DRAM1: variants seen among roughly 807,000 people sequenced by gnomAD.
DRAM1 encodes the protein DNA damage regulated autophagy modulator 1, also known as DNA damage-regulated autophagy modulator protein 1.
A neutral mutation model predicts 28.5 loss-of-function variants in DRAM1; 25 were observed. The ratio of observed to expected loss-of-function variants is 0.88; its 90% CI spans 0.64 to 1.23. DRAM1 has a LOEUF of 1.23. Ranked by LOEUF, DRAM1 falls within the 50% of genes most tolerant of loss-of-function variation. The pLI, the probability that DRAM1 is intolerant of heterozygous loss-of-function variation, is 0.00. For missense variants in DRAM1, 249 were observed against 299.2 expected (o/e 0.83, Z 1.24); for synonymous variants, 113 against 114.2 (o/e 0.99, Z 0.07).
rs1874540995 is a variant in DRAM1 at position 101,922,984 on chromosome 12, G to A, written c.*1724G>A. On this transcript the variant is annotated 3_prime_UTR_variant, in exon 7 of 7. Transcript: ENST00000258534. ...GTGCGGTGGTGTGCCTGTAGTCCTA[G>A]TTACTTGGGAGGCTGAGGTGGGAGA... 3 of 152,076 alleles carry A rather than the reference G, an allele frequency of 2.0e-5. No homozygotes were observed. The South Asian group carries it at 6.2e-4, about 32-fold the overall frequency. The allele number at this position is 152,076 out of a possible 1,614,324, so 9.4% of individuals were successfully genotyped here. A position where few individuals can be genotyped will look rare whatever the true frequency, so the allele number is the denominator to read the frequency against.
At chr12:101,914,316 C>T in intron 5 of DRAM1, 84 bp downstream of exon 5, 1 of 1,022,990 alleles carries the variant, frequency 9.8e-7, no homozygotes. Flanking sequence ...AAGATCACTG[C>T]CGTTCCTTAG....
intron 1 of DRAM1, among the ~76,000 whole-genome samples, chr12:101,884,584 A>T (rs935881810): frequency 1.3e-5 from 2 of 152,022 alleles, no homozygotes; most frequent in Admixed American, 1.3e-4. Context: ...CCGATTCTAG[A>T]TCCTGGCTTT....
At chr12:101,919,344 T>C (rs1365748054) in intron 5 of DRAM1, among the ~76,000 whole-genome samples, 1 of 151,584 alleles carries the variant, frequency 6.6e-6, no homozygotes, top group Non-Finnish European at 1.5e-5. Flanking sequence ...GCAACACTAG[T>C]GTATTATTTT....
intron 3 of DRAM1, among the ~76,000 whole-genome samples, chr12:101,905,756 A>ATTTT (rs1193909336): frequency 3.3e-5 from 4 of 122,700 alleles, no homozygotes; most frequent in African/African-American, 1.1e-4. Context: ...TGCCCATCTG[A>ATTTT]TTTTATTTAT....
intron 2 of DRAM1, among the ~76,000 whole-genome samples, chr12:101,899,253 C>CT (rs1873502413): frequency 6.6e-6 from 1 of 152,178 alleles, no homozygotes. Flanking sequence ...CCAGTGCCCT[C>CT]TTACACCATC....
intron 1 of DRAM1, among the ~76,000 whole-genome samples, chr12:101,889,175 A>G (rs1873002377): frequency 6.6e-6 from 1 of 152,166 alleles, no homozygotes; most frequent in Admixed American, 6.5e-5. Context: ...CATCAAGAAC[A>G]TGCATTGAAG....
chr12:101,901,121 G>C (rs992502306), intron 2 of DRAM1, among the ~76,000 whole-genome samples, 170 bp from the exon 3 acceptor site: 1 of 136,888 alleles, frequency 7.3e-6, no homozygotes, highest in African/African-American at 2.9e-5. Flanking sequence ...GTGTGTGTGT[G>C]TGTCTGTACA....
chr12:101,893,914 GTT>G (rs148100861), intron 1 of DRAM1, among the ~76,000 whole-genome samples: 1 of 147,784 alleles, frequency 6.8e-6, no homozygotes. Context: ...TCACCTGTAT[GTT>G]TTTTTTTAAA....
intron 1 of DRAM1, among the ~76,000 whole-genome samples, chr12:101,879,791 C>G (rs951225959): frequency 6.6e-6 from 1 of 152,018 alleles, no homozygotes; most frequent in Non-Finnish European, 1.5e-5. Context: ...GTCAAGAGAT[C>G]GAGACCATCC....
At chr12:101,908,749 AG>A (rs1873919669) in intron 4 of DRAM1, among the ~76,000 whole-genome samples, 1 of 152,032 alleles carries the variant, frequency 6.6e-6, no homozygotes, top group African/African-American at 2.4e-5. Flanking sequence ...TGACTTAGCC[AG>A]GGTTCTTTGC....
chr12:101,920,300 T>A, intron 6 of DRAM1, 99 bp downstream of exon 6: 3 of 248,982 alleles, frequency 1.2e-5, no homozygotes, highest in Non-Finnish European at 1.7e-5. Context: ...GCACTTTCTT[T>A]TTTTTTTTTT....
intron 2 of DRAM1, among the ~76,000 whole-genome samples, chr12:101,899,252 T>C (rs1873502229): frequency 6.6e-6 from 1 of 152,202 alleles, no homozygotes; most frequent in Admixed American, 6.5e-5. Context: ...CCCAGTGCCC[T>C]CTTACACCAT....
At chr12:101,888,786 A>ATTTTTTTTTT (rs34825466) in intron 1 of DRAM1, among the ~76,000 whole-genome samples, 2 of 107,940 alleles carry the variant, frequency 1.9e-5, no homozygotes, top group Non-Finnish European at 3.5e-5. Context: ...AAACATCTCA[A>ATTTTTTTTTT]TTTTTTTTTT....
chr12:101,904,401 T>TTC, intron 3 of DRAM1, among the ~76,000 whole-genome samples: 1 of 147,900 alleles, frequency 6.8e-6, no homozygotes, highest in East Asian at 2.0e-4. Flanking sequence ...TTTTTTTTTT[T>TTC]GAAGCTGAGT....
chr12:101,883,926 T>A (rs1462962518), intron 1 of DRAM1, among the ~76,000 whole-genome samples: 1 of 133,134 alleles, frequency 7.5e-6, no homozygotes, highest in African/African-American at 3.6e-5. Flanking sequence ...AGAGCGAGAC[T>A]CTTTCTCAAA....
intron 4 of DRAM1, among the ~76,000 whole-genome samples, chr12:101,911,532 G>T (rs749178779): frequency 1.3e-5 from 2 of 152,136 alleles, no homozygotes; most frequent in Non-Finnish European, 2.9e-5. Flanking sequence ...CTCAGGCTTG[G>T]TTGTTTGTTG....
chr12:101,915,903 G>A (rs1874226091), intron 5 of DRAM1, among the ~76,000 whole-genome samples: 1 of 152,200 alleles, frequency 6.6e-6, no homozygotes, highest in Non-Finnish European at 1.5e-5. Context: ...AGTATTATTA[G>A]ATGAGTGTTA....
intron 2 of DRAM1, among the ~76,000 whole-genome samples, chr12:101,898,901 T>A (rs1167376398): frequency 6.6e-6 from 1 of 152,222 alleles, no homozygotes; most frequent in Non-Finnish European, 1.5e-5. Context: ...GTAATGCATA[T>A]TAATTACAAC....
chr12:101,923,259 C>T lies in DRAM1; in HGVS notation c.*1999C>T, dbSNP rs186541210. The T allele has an allele frequency of 6.6e-6, 1 of 152,288 alleles. No individual in the cohort carries two copies. The highest frequency in any genetic ancestry group is 6.5e-5 in the Admixed American group (1 of 15,296). 9.4% of individuals were successfully genotyped at this position (152,288 alleles called of 1,614,324 possible). A position where few individuals can be genotyped will look rare whatever the true frequency, so the allele number is the denominator to read the frequency against. ...TGAAGAGGAGGAGAAATGCCACATACCTTTCCCATGGGACCTGTGGTGGAA... is the reference window on the plus strand; with the variant it reads ...TGAAGAGGAGGAGAAATGCCACATATCTTTCCCATGGGACCTGTGGTGGAA... On this transcript the variant is annotated 3_prime_UTR_variant, in exon 7 of 7. Transcript: ENST00000258534.
Sources: allele counts gnomAD v4.1 joint callset (sites outside exome capture counted in the v4.1 genomes callset), GRCh38; gene constraint gnomAD v4.1.1; transcripts MANE v1.5; gene names NCBI Gene and HGNC (gene_info 2026-07-23, HGNC 2026-07-21).